SLC25A21: variants seen among roughly 807,000 people sequenced by gnomAD.
The protein encoded by SLC25A21 is solute carrier family 25 member 21, also known as mitochondrial 2-oxodicarboxylate carrier.
In SLC25A21, 47 loss-of-function variants were observed where a neutral mutation model predicts 43.8. The ratio of observed to expected loss-of-function variants is 1.07; its 90% CI spans 0.85 to 1.37. The LOEUF (loss-of-function observed/expected upper bound fraction) is 1.37, where lower values mean the gene tolerates loss of function less well. SLC25A21 is among the 40% of genes most tolerant of loss of function. The pLI, the probability that SLC25A21 is intolerant of heterozygous loss-of-function variation, is 0.00. For synonymous variants in SLC25A21, 131 were observed against 121.3 expected (o/e 1.08, Z -0.52); for missense variants, 352 against 350.2 (o/e 1.00, Z -0.04).
intron 2 of SLC25A21, among the ~76,000 whole-genome samples, chr14:36,860,962 A>T (rs554830098): frequency 2.0e-5 from 3 of 152,330 alleles, no homozygotes; most frequent in Admixed American, 2.0e-4. Context: ...AGTTTCACTG[A>T]AGAAAATATT....
intron 6 of SLC25A21, among the ~76,000 whole-genome samples, chr14:36,719,869 G>C (rs1421010064): frequency 3.3e-5 from 5 of 152,282 alleles, no homozygotes; most frequent in African/African-American, 1.2e-4. Context: ...GAGAGCCCGG[G>C]GCAGCTGGAG....
intron 1 of SLC25A21, among the ~76,000 whole-genome samples, chr14:37,022,213 TAAAA>T (rs902592395): frequency 6.6e-6 from 1 of 151,886 alleles, no homozygotes; most frequent in South Asian, 2.1e-4. Flanking sequence ...ACTAATTACA[TAAAA>T]AAACTTACTT....
intron 1 of SLC25A21, among the ~76,000 whole-genome samples, chr14:37,073,649 G>A (rs995108870): frequency 8.6e-5 from 13 of 151,984 alleles, no homozygotes; most frequent in Non-Finnish European, 1.6e-4. Context: ...TTTCTGCCTC[G>A]ACCACCTCCA....
chr14:36,909,545 C>T (rs990761993), intron 1 of SLC25A21, among the ~76,000 whole-genome samples: 2 of 152,170 alleles, frequency 1.3e-5, no homozygotes, highest in African/African-American at 4.8e-5. Context: ...GGATTCTCTC[C>T]TCACTGTCAA....
At chr14:36,888,397 C>A (rs943479308) in intron 1 of SLC25A21, among the ~76,000 whole-genome samples, 40 of 152,096 alleles carry the variant, frequency 2.6e-4, no homozygotes, top group African/African-American at 9.7e-4. Flanking sequence ...AACCGACTTG[C>A]CAACCCACCC....
chr14:37,095,500 A>G (rs1424638107), intron 1 of SLC25A21, among the ~76,000 whole-genome samples: 1 of 152,236 alleles, frequency 6.6e-6, no homozygotes, highest in Non-Finnish European at 1.5e-5. Context: ...CGTGGGCGAC[A>G]GAGCAAGACT....
chr14:36,887,824 C>T (rs1240117866), intron 1 of SLC25A21, among the ~76,000 whole-genome samples: 1 of 152,136 alleles, frequency 6.6e-6, no homozygotes, highest in Non-Finnish European at 1.5e-5. Context: ...TTCTCTCTCA[C>T]AACTTCTATG....
intron 1 of SLC25A21, among the ~76,000 whole-genome samples, chr14:37,079,228 T>C (rs1383407320): frequency 6.6e-6 from 1 of 152,174 alleles, no homozygotes; most frequent in Non-Finnish European, 1.5e-5. Context: ...TGTGGACCTT[T>C]GGACCCACTT....
At chr14:36,886,686 C>T (rs1470025458) in intron 1 of SLC25A21, among the ~76,000 whole-genome samples, 1 of 152,080 alleles carries the variant, frequency 6.6e-6, no homozygotes, top group Non-Finnish European at 1.5e-5. Flanking sequence ...TTTTAACTCA[C>T]ACTTTGAATG....
intron 3 of SLC25A21, among the ~76,000 whole-genome samples, chr14:36,740,909 T>A (rs138860450): frequency 6.6e-6 from 1 of 152,298 alleles, no homozygotes; most frequent in Non-Finnish European, 1.5e-5. Context: ...GAGCCTTAAT[T>A]AAACATTGTG....
At chr14:37,078,489 C>G (rs975344303) in intron 1 of SLC25A21, among the ~76,000 whole-genome samples, 5 of 152,170 alleles carry the variant, frequency 3.3e-5, no homozygotes, top group Admixed American at 6.5e-5. Context: ...CACCGAAAAT[C>G]AAGGTTTTGT....
intron 7 of SLC25A21, among the ~76,000 whole-genome samples, chr14:36,704,468 C>A (rs528981301): frequency 1.3e-5 from 2 of 152,006 alleles, no homozygotes; most frequent in Non-Finnish European, 2.9e-5. Context: ...ACCAGCCTGA[C>A]CAACACGGTG....
intron 1 of SLC25A21, among the ~76,000 whole-genome samples, chr14:37,005,373 A>T (rs1056321920): frequency 6.6e-6 from 1 of 152,104 alleles, no homozygotes; most frequent in Non-Finnish European, 1.5e-5. Context: ...ATCTGTAGCC[A>T]ATGTGCCATC....
At chr14:37,085,081 T>A (rs1962458955) in intron 1 of SLC25A21, among the ~76,000 whole-genome samples, 2 of 152,188 alleles carry the variant, frequency 1.3e-5, no homozygotes, top group Non-Finnish European at 2.9e-5. Flanking sequence ...AAAATAATTG[T>A]GTCTGAAGTG....
At position 36,680,716 on chromosome 14, in the gene SLC25A21, C is replaced by A. The variant is rs754856523; in HGVS notation, c.842G>T (p.Gly281Val). Reference sequence around the variant, plus strand: ...TTCATAAACCAGCAGCATCACTGCACCACCTAGAAAAGAAAAGAGCTGTTT... The same window carrying A: ...TTCATAAACCAGCAGCATCACTGCAACACCTAGAAAAGAAAAGAGCTGTTT... ...LPKIMRLGPG[G>V]AVMLLVYEYT... Residue 281 changes from glycine to valine, a missense_variant, in exon 10 of 10, where the codon GGT (glycine) becomes GTT (valine). Physicochemically the swap from Gly to Val is moderately radical, Grantham distance 109 (BLOSUM62 -3). Transcript: ENST00000331299. The A allele has an allele frequency of 6.2e-7, 1 of 1,612,188 alleles. No homozygotes were observed. Among genetic ancestry groups the A allele is most frequent in the South Asian group, 1.1e-5 (1 of 90,696 alleles).
chr14:37,119,096 A>C (rs1019402115), intron 1 of SLC25A21, among the ~76,000 whole-genome samples: 10 of 152,184 alleles, frequency 6.6e-5, no homozygotes, highest in African/African-American at 2.4e-4. Context: ...TGGCTTGCTA[A>C]AGGACACTCC....
At chr14:36,801,085 G>A (rs1168712613) in intron 3 of SLC25A21, among the ~76,000 whole-genome samples, 5 of 152,174 alleles carry the variant, frequency 3.3e-5, no homozygotes, top group Admixed American at 3.3e-4. Flanking sequence ...ACTCTTGGGA[G>A]TGGACATTCT....
At chr14:36,739,433 T>C (rs1342027337) in intron 3 of SLC25A21, among the ~76,000 whole-genome samples, 1 of 152,022 alleles carries the variant, frequency 6.6e-6, no homozygotes, top group Non-Finnish European at 1.5e-5. Context: ...ATCCCAGCAC[T>C]TCGGGAAGCC....
rs192274704 is a variant in SLC25A21, at chr14:36,957,508, G to A, written c.71-82504C>T. ...GTTGGGAGTAGGACGGGGTACCTCA[G>A]TTGATCCCCATAGATCCTTTCTGCT... is the stretch of plus-strand genomic sequence containing the variant. On this transcript the variant is annotated intron_variant, in intron 1 of 9. Coordinates refer to ENST00000331299, the MANE Select transcript of SLC25A21 (RefSeq NM_030631.4). Among the ~76,000 whole-genome samples, 9 of 152,304 alleles carry A rather than the reference G, an allele frequency of 5.9e-5. No individual in the cohort carries two copies. In the East Asian group the frequency reaches 1.3e-3, roughly 23 times the overall value.
Sources: allele counts gnomAD v4.1 joint callset (sites outside exome capture counted in the v4.1 genomes callset), GRCh38; gene constraint gnomAD v4.1.1; transcripts MANE v1.5; gene names NCBI Gene and HGNC (gene_info 2026-07-23, HGNC 2026-07-21).